The following SLC24A1 variants were observed in gnomAD, a reference collection of about 807,000 sequenced individuals.
SLC24A1 encodes sodium/potassium/calcium exchanger 1.
In SLC24A1, 52 loss-of-function variants were observed where a neutral mutation model predicts 88.1. That is an observed-to-expected ratio of 0.59 (90% CI 0.47 to 0.74). The LOEUF is 0.74. Ranked by LOEUF, SLC24A1 falls within the 30% of genes least tolerant of loss-of-function variation. The pLI, the probability that SLC24A1 is intolerant of heterozygous loss-of-function variation, is 0.00. For missense variants in SLC24A1, 1,173 were observed against 1,363.3 expected (o/e 0.86, Z 2.20); for synonymous variants, 455 against 498.0 (o/e 0.91, Z 1.15).
At chr15:65,611,353 A>C, upstream of SLC24A1, 1 of 613,390 alleles carries the variant, frequency 1.6e-6, no homozygotes, top group Non-Finnish European at 2.9e-6. Context: ...TCCTCCCACA[A>C]ATCCCCAACT....
downstream of SLC24A1, chr15:65,659,330 T>TTTG (rs1252948668): frequency 8.0e-6 from 1 of 125,380 alleles, no homozygotes; most frequent in African/African-American, 2.9e-5. Flanking sequence ...TGGTTTTTTT[T>TTTG]TTTTTTTTTT....
chr15:65,639,608 T>G lies in SLC24A1; in HGVS notation c.1958T>G (p.Leu653Arg). 2 of 1,609,748 alleles carry G rather than the reference T, an allele frequency of 1.2e-6. No homozygotes were observed. Among genetic ancestry groups the G allele is most frequent in the Non-Finnish European group, 1.7e-6 (2 of 1,178,206 alleles). ...CCTCTTGCTCAGCTCCCGTCCTTGCTGACCCGAGGGAGCAGCTCGACCTCT... is the reference window on the plus strand; with the variant it reads ...CCTCTTGCTCAGCTCCCGTCCTTGCGGACCCGAGGGAGCAGCTCGACCTCT... ...DNKKLKLPSL[L>R]TRGSSSTSLH... The change falls in exon 4 of 10, where the codon CTG (leucine) becomes CGG (arginine). Residue 653 changes from leucine to arginine, a missense_variant. Physicochemically the swap from Leu to Arg is moderately radical, Grantham distance 102 (BLOSUM62 -2). Transcript: ENST00000261892.
chr15:65,652,167 C>G (rs1241762791), intron 8 of SLC24A1: 2 of 335,448 alleles, frequency 6.0e-6, no homozygotes, highest in Non-Finnish European at 1.1e-5. Context: ...GCCTGGAATA[C>G]TGAACTGTAA....
chr15:65,657,347 T>TAATC (rs1469895750), downstream of SLC24A1, among the ~76,000 whole-genome samples: 2 of 151,994 alleles, frequency 1.3e-5, no homozygotes, highest in African/African-American at 4.8e-5. Context: ...GAATAGTAAA[T>TAATC]AATCAGGAAA....
intron 2 of SLC24A1, among the ~76,000 whole-genome samples, chr15:65,632,732 C>T (rs2074773566): frequency 6.6e-6 from 1 of 152,182 alleles, no homozygotes; most frequent in South Asian, 2.1e-4. Context: ...AGCACAGTTC[C>T]AGCTCTCAAG....
intron 3 of SLC24A1, among the ~76,000 whole-genome samples, chr15:65,638,890 G>A (rs940453490): frequency 1.3e-5 from 2 of 152,182 alleles, no homozygotes; most frequent in African/African-American, 4.8e-5. Context: ...ATGTTCCATT[G>A]TAAATCAGAT....
At chr15:65,626,986 G>A (rs893869014) in intron 2 of SLC24A1, among the ~76,000 whole-genome samples, 9 of 152,162 alleles carry the variant, frequency 5.9e-5, no homozygotes, top group African/African-American at 1.9e-4. Context: ...CAGAGAAGCC[G>A]CTGGTGTGAG....
At chr15:65,657,581 C>T (rs200764906), downstream of SLC24A1, among the ~76,000 whole-genome samples, 20 of 152,216 alleles carry the variant, frequency 1.3e-4, no homozygotes, top group East Asian at 3.3e-3. Flanking sequence ...GGGGCGGAGC[C>T]TGCAGTGAGC....
chr15:65,614,858 G>C (rs750780938), intron 2 of SLC24A1, among the ~76,000 whole-genome samples: 2 of 152,206 alleles, frequency 1.3e-5, no homozygotes, highest in Admixed American at 6.5e-5. Context: ...GGAAAGCAGA[G>C]AAAACTTGGT....
At chr15:65,613,106 T>G (rs2141369301) in intron 2 of SLC24A1, among the ~76,000 whole-genome samples, 1 of 152,366 alleles carries the variant, frequency 6.6e-6, no homozygotes, top group East Asian at 1.9e-4. Context: ...GCTGATGAAT[T>G]TCTTTTCCCC....
At chr15:65,648,871 C>G (rs1426633335) in intron 6 of SLC24A1, among the ~76,000 whole-genome samples, 1 of 151,958 alleles carries the variant, frequency 6.6e-6, no homozygotes, top group Non-Finnish European at 1.5e-5. Context: ...CTCCTGGGCT[C>G]TAGCGATCCT....
In SLC24A1 at chr15:65,651,021, C is replaced by A. The variant is rs572802037; in HGVS notation, c.2793+79C>A. 4.8e-6 allele frequency: 6 copies of A among 1,256,256 alleles called. No homozygotes were observed. The African/African-American group carries it at 7.4e-5, about 15-fold the overall frequency. The allele number at this position is 1,256,256 out of a possible 1,614,324, so 77.8% of individuals were successfully genotyped here. Reference sequence around the variant, plus strand: ...TCTCTCGGCATGCGGGGCTCACACTCAAGAGGAGGAAGAGGCCAGGGACAA... The same window carrying A: ...TCTCTCGGCATGCGGGGCTCACACTAAAGAGGAGGAAGAGGCCAGGGACAA... On this transcript the variant is annotated intron_variant, in intron 7 of 9. Coordinates refer to ENST00000261892, the MANE Select transcript of SLC24A1 (RefSeq NM_004727.3).
At chr15:65,648,716 G>C (rs1040425077) in intron 6 of SLC24A1, among the ~76,000 whole-genome samples, 1 of 151,908 alleles carries the variant, frequency 6.6e-6, no homozygotes, top group Non-Finnish European at 1.5e-5. Context: ...TAGTCAGGCT[G>C]GTCTCAAACT....
downstream of SLC24A1, among the ~76,000 whole-genome samples, chr15:65,656,645 C>T (rs1049190038): frequency 6.6e-6 from 1 of 152,168 alleles, no homozygotes; most frequent in African/African-American, 2.4e-5. Context: ...GTCATTCATT[C>T]AGCCTGGAAA....
At position 65,635,446 on chromosome 15, in the gene SLC24A1, CAAAAAAAAAAAAAA is replaced by C. The variant is rs56960432; in HGVS notation, c.1891-2671_1891-2658del. Among the ~76,000 whole-genome samples the C allele has an allele frequency of 5.7e-3, 332 of 58,398 alleles. 1 individual carries two copies. Among genetic ancestry groups the C allele is most frequent in the African/African-American group, 0.022 (319 of 14,818 alleles). 38.3% of individuals were successfully genotyped at this position (58,398 alleles called of 152,430 possible). A position where few individuals can be genotyped will look rare whatever the true frequency, so the allele number is the denominator to read the frequency against. ...TGGCAACAGAGTGAGACTCCGTCTC[CAAAAAAAAAAAAAA>C]AAAAAAAAAAGAAAAAAAAAGAAAG... On this transcript the variant is annotated intron_variant, in intron 2 of 9. Transcript: ENST00000261892.
At chr15:65,649,040 A>G (rs903662429) in intron 6 of SLC24A1, among the ~76,000 whole-genome samples, 1 of 152,212 alleles carries the variant, frequency 6.6e-6, no homozygotes, top group Non-Finnish European at 1.5e-5. Context: ...GTTAAAATAC[A>G]GATTCCTGGC....
intron 4 of SLC24A1, among the ~76,000 whole-genome samples, chr15:65,641,006 A>G (rs1452328126): frequency 1.3e-5 from 2 of 152,086 alleles, no homozygotes; most frequent in Non-Finnish European, 2.9e-5. Context: ...GGTTGTAGTG[A>G]GCCGAGATTG....
At chr15:65,627,749 C>T (rs752060740) in intron 2 of SLC24A1, among the ~76,000 whole-genome samples, 6 of 152,210 alleles carry the variant, frequency 3.9e-5, no homozygotes, top group Non-Finnish European at 8.8e-5. Context: ...GACTTGCTTC[C>T]TAGTCCCTCA....
In SLC24A1 at chr15:65,624,355, T is replaced by C. The variant is rs926115448; in HGVS notation, c.275T>C (p.Val92Ala). 3.1e-6 allele frequency: 5 copies of C among 1,613,654 alleles called. No individual in the cohort carries two copies. The highest frequency in any genetic ancestry group is 2.7e-5 in the African/African-American group (2 of 74,982). The change falls in exon 2 of 10, where the codon GTA becomes GCA. Residue 92 changes from valine (V) to alanine (A), a missense_variant. Physicochemically the swap from Val to Ala is moderately conservative, Grantham distance 64. Coordinates refer to ENST00000261892, the MANE Select transcript of SLC24A1 (RefSeq NM_004727.3). ...PSSEMGGKML[V>A]PQASVGSDEA... ...TCCGAAATGGGGGGTAAGATGCTGGTACCCCAAGCCTCAGTGGGCAGTGAT... is the reference window on the plus strand; with the variant it reads ...TCCGAAATGGGGGGTAAGATGCTGGCACCCCAAGCCTCAGTGGGCAGTGAT...
Sources: gnomAD v4.1 joint callset for allele counts (sites outside exome capture counted in the v4.1 genomes callset) on GRCh38, gnomAD v4.1.1 for gene constraint, MANE v1.5 for transcripts, NCBI Gene and HGNC (gene_info 2026-07-23, HGNC 2026-07-21) for gene names.